HRH2: variants seen among roughly 807,000 people sequenced by gnomAD.
HRH2 encodes histamine receptor H2.
In HRH2, 4 loss-of-function variants were observed where a neutral mutation model predicts 20.1. That is an observed-to-expected ratio of 0.20 (90% confidence interval 0.10 to 0.45). The LOEUF is 0.45. HRH2 is among the 20% of genes least tolerant of loss of function. HRH2 has a pLI of 0.99. For synonymous variants in HRH2, 197 were observed against 200.7 expected, an observed-to-expected ratio of 0.98 and a Z score of 0.16; for missense variants, 250 against 461.6, an observed-to-expected ratio of 0.54 and a Z score of 4.20.
At chr5:175,664,209 C>A (rs1209068559) in intron 1 of HRH2, among the ~76,000 whole-genome samples, 1 of 152,184 alleles carries the variant, frequency 6.6e-6, no homozygotes, top group African/African-American at 2.4e-5. Context: ...CCACCTTGGG[C>A]TCTAGAATTG....
rs986465425 is a variant in HRH2 at position 175,681,311 on chromosome 5, T to C, written c.-525-1398T>C. Among the ~76,000 whole-genome samples, 2 of 152,136 alleles carry C rather than the reference T, an allele frequency of 1.3e-5. No homozygotes were observed. The highest frequency in any genetic ancestry group is 4.8e-5 in the African/African-American group (2 of 41,424). The stretch of plus-strand genomic sequence containing the variant: ...AACCCTGATCCCTGCACGAACACAA[T>C]CGTTGTGATTAAATGATGCTTCTCA... On this transcript the variant is annotated intron_variant, in intron 1 of 2. Coordinates refer to ENST00000636584, the MANE Select transcript of HRH2 (RefSeq NM_001367711.1). This position sits in a 1 kb window ranked among gnomAD's most constrained non-coding sequence, Gnocchi z 4.3.
chr5:175,679,101 G>A (rs1314559129), intron 1 of HRH2, among the ~76,000 whole-genome samples: 1 of 152,098 alleles, frequency 6.6e-6, no homozygotes, highest in Non-Finnish European at 1.5e-5. Context: ...CTCTTTCTGT[G>A]GAAATCTTCA....
chr5:175,702,447 G>T (rs1402957562), intron 2 of HRH2, among the ~76,000 whole-genome samples: 1 of 140,834 alleles, frequency 7.1e-6, no homozygotes, highest in Admixed American at 7.1e-5. Context: ...AAAATATAAA[G>T]AACATAATTT....
Position 175,684,172 on chromosome 5 carries a change from C to G in HRH2, c.939C>G (p.His313Gln). ...GCAGGCTGGCCAACCGCAACTCCCA[C>G]AAAACTTCTCTGAGGTCCAACGCCT... The part of the protein sequence containing the change: ...FCCRLANRNS[H>Q]KTSLRSNASQ... The change falls in exon 2 of 3, where the codon CAC becomes CAG. Residue 313 changes from histidine to glutamine, a missense_variant. Transcript: ENST00000636584. 1 of 1,614,218 alleles carries G rather than the reference C, an allele frequency of 6.2e-7. No homozygotes were observed. The highest frequency in any genetic ancestry group is 8.5e-7 in the Non-Finnish European group (1 of 1,180,032).
chr5:175,688,785 C>T (rs769512506), intron 2 of HRH2, among the ~76,000 whole-genome samples: 2 of 152,200 alleles, frequency 1.3e-5, no homozygotes, highest in Non-Finnish European at 2.9e-5. Flanking sequence ...GCAAGTGACC[C>T]GTCTGAGGTG....
intron 1 of HRH2, among the ~76,000 whole-genome samples, chr5:175,676,413 C>A (rs906027880): frequency 5.3e-5 from 8 of 152,214 alleles, no homozygotes; most frequent in Non-Finnish European, 8.8e-5. Flanking sequence ...GTGGCCTCCA[C>A]CCACAGCTCT....
rs368442432 is a variant in HRH2, at chr5:175,693,698, T to G, written c.1076+9389T>G. ...CCCATGTCTGTTGCCATCCTTCCTA[T>G]TCCCTGAAGTCACAGCTCTGTGCTC... On this transcript the variant is annotated intron_variant, in intron 2 of 2. Transcript: ENST00000636584. The surrounding 1 kb of genome is among the most constrained non-coding windows in gnomAD (Gnocchi z 4.4). Among the ~76,000 whole-genome samples the G allele has an allele frequency of 7.2e-4, 109 of 152,336 alleles. 1 individual carries two copies. Among genetic ancestry groups the G allele is most frequent in the African/African-American group, 2.5e-3 (103 of 41,576 alleles).
At chr5:175,668,904 C>T (rs905037733) in intron 1 of HRH2, among the ~76,000 whole-genome samples, 1 of 152,166 alleles carries the variant, frequency 6.6e-6, no homozygotes, top group Non-Finnish European at 1.5e-5. Context: ...AGGACTCACT[C>T]AGTGCAGAAT....
intron 1 of HRH2, among the ~76,000 whole-genome samples, chr5:175,679,236 A>G (rs559804023): frequency 6.6e-6 from 1 of 152,294 alleles, no homozygotes; most frequent in African/African-American, 2.4e-5. Context: ...CAAGGACTCC[A>G]CTGAGAAGAG....
At position 175,681,123 on chromosome 5, in the gene HRH2, A is replaced by C. The variant is rs1755950808; in HGVS notation, c.-525-1586A>C. ...ATGAGAAATAGGGATTCTCCAAAAA[A>C]ATACCCTTATTGCTACCCCCTCCAA... is the stretch of plus-strand genomic sequence containing the variant. On this transcript the variant is annotated intron_variant, in intron 1 of 2. Transcript: ENST00000636584. The surrounding 1 kb of genome is among the most constrained non-coding windows in gnomAD (Gnocchi z 4.3). Among the ~76,000 whole-genome samples the C allele has an allele frequency of 6.6e-6, 1 of 152,176 alleles. No homozygotes were observed. Among genetic ancestry groups the C allele is most frequent in the Non-Finnish European group, 1.5e-5 (1 of 68,032 alleles).
In HRH2 at chr5:175,681,188, C is replaced by A. The variant is rs1394991417; in HGVS notation, c.-525-1521C>A. Reference sequence around the variant, plus strand: ...GGCGGTGAGACCCATGCTGTTTGGGCTATTTATGTAATGAAAAGCTCTGCT... The same window carrying A: ...GGCGGTGAGACCCATGCTGTTTGGGATATTTATGTAATGAAAAGCTCTGCT... On this transcript the variant is annotated intron_variant, in intron 1 of 2. Transcript: ENST00000636584. This position sits in a 1 kb window ranked among gnomAD's most constrained non-coding sequence, Gnocchi z 4.3. 1.3e-5 allele frequency among the ~76,000 whole-genome samples: 2 copies of A among 152,140 alleles called. No homozygotes were observed. Among genetic ancestry groups the A allele is most frequent in the African/African-American group, 4.8e-5 (2 of 41,440 alleles).
Position 175,684,262 on chromosome 5 carries a change from G to A in HRH2, c.1029G>A (p.Gln343=), listed in dbSNP as rs370066232. The A allele has an allele frequency of 5.6e-6, 9 of 1,614,182 alleles. No homozygotes were observed. Among genetic ancestry groups the A allele is most frequent in the Non-Finnish European group, 7.6e-6 (9 of 1,180,026 alleles). Residue 343 remains glutamine (Q), a synonymous_variant, in exon 2 of 3, where the codon CAG becomes CAA. Transcript: ENST00000636584. ...AGGAAGAGAAACCCCTGAAGCTCCA[G>A]GTGTGGAGTGGGACAGAAGTCACGG... The part of the protein sequence containing the change: ...RQQEEKPLKL[Q]VWSGTEVTAP...
At chr5:175,694,179 T>C (rs1246977425) in intron 2 of HRH2, among the ~76,000 whole-genome samples, 1 of 152,166 alleles carries the variant, frequency 6.6e-6, no homozygotes, top group African/African-American at 2.4e-5. Context: ...AGATACTTTG[T>C]TTTATTCTGC....
At position 175,683,261 on chromosome 5, in the gene HRH2, T is replaced by C; in HGVS notation, c.28T>C (p.Phe10Leu). Residue 10 changes from phenylalanine (F) to leucine (L), a missense_variant, in exon 2 of 3, where the codon TTT becomes CTT. Phe to Leu is a conservative substitution (Grantham distance 22). Around this residue, in one of 5 missense-constraint regions of HRH2, gnomAD observed 24 missense variants for 22.9 expected, o/e 1.05. Transcript: ENST00000636584. MAPNGTASS[F>L]CLDSTACKIT... The stretch of plus-strand genomic sequence containing the variant: ...GGCACCCAATGGCACAGCCTCTTCC[T>C]TTTGCCTGGACTCTACCGCATGCAA... 1.2e-6 allele frequency: 2 copies of C among 1,614,088 alleles called. No homozygotes were observed. Among genetic ancestry groups the C allele is most frequent in the South Asian group, 2.2e-5 (2 of 91,074 alleles).
At chr5:175,676,329 G>A (rs776197881) in intron 1 of HRH2, among the ~76,000 whole-genome samples, 6 of 152,252 alleles carry the variant, frequency 3.9e-5, no homozygotes, top group South Asian at 2.1e-4. Flanking sequence ...ACGCCCGCAC[G>A]TGCACACACA....
rs1756213480 is a variant in HRH2 at position 175,687,519 on chromosome 5, G to A, written c.1076+3210G>A. Among the ~76,000 whole-genome samples, 1 of 152,102 alleles carries A rather than the reference G, an allele frequency of 6.6e-6. No homozygotes were observed. Among genetic ancestry groups the A allele is most frequent in the Non-Finnish European group, 1.5e-5 (1 of 68,010 alleles). On this transcript the variant is annotated intron_variant, in intron 2 of 2. Coordinates refer to ENST00000636584, the MANE Select transcript of HRH2 (RefSeq NM_001367711.1). The surrounding 1 kb of genome is among the most constrained non-coding windows in gnomAD (Gnocchi z 5.2). ...GTCCTCCCTTCCCTGTGGCCAACCA[G>A]CAGCCACCCCACAATGTTCCTGCCC...
chr5:175,662,960 T>C (rs564771780), intron 1 of HRH2, among the ~76,000 whole-genome samples: 20 of 152,356 alleles, frequency 1.3e-4, no homozygotes, highest in African/African-American at 4.6e-4. Flanking sequence ...ACACCTAGCA[T>C]GTTTTTAAGG....
intron 2 of HRH2, among the ~76,000 whole-genome samples, chr5:175,694,815 G>T (rs918803292): frequency 1.3e-5 from 2 of 152,198 alleles, no homozygotes; most frequent in African/African-American, 2.4e-5. Flanking sequence ...TGCAATCTGG[G>T]TTTTCACCCA....
At chr5:175,663,649 C>A (rs1762801513) in intron 1 of HRH2, among the ~76,000 whole-genome samples, 1 of 152,218 alleles carries the variant, frequency 6.6e-6, no homozygotes, top group Admixed American at 6.5e-5. Context: ...CCCCACCGGC[C>A]CTTTGTAGTT....
Sources: allele counts gnomAD v4.1 joint callset (sites outside exome capture counted in the v4.1 genomes callset), GRCh38; gene constraint gnomAD v4.1.1; regional missense constraint gnomAD v4.1.1; non-coding constraint Gnocchi (gnomAD v3.1); transcripts MANE v1.5; gene names NCBI Gene and HGNC (gene_info 2026-07-23, HGNC 2026-07-21).